VSIG1: variants seen among roughly 807,000 people sequenced by gnomAD.
The protein encoded by VSIG1 is V-set and immunoglobulin domain-containing protein 1.
A neutral mutation model predicts 20.1 loss-of-function variants in VSIG1; 11 were observed. That is an observed-to-expected ratio of 0.55 (90% confidence interval 0.34 to 0.91). The LOEUF (loss-of-function observed/expected upper bound fraction) is 0.91. VSIG1 is among the 40% of genes least tolerant of loss of function. The pLI is 0.02. For synonymous variants in VSIG1, 126 were observed against 116.7 expected, an observed-to-expected ratio of 1.08 and a Z score of -0.52; for missense variants, 283 against 298.8, an observed-to-expected ratio of 0.95 and a Z score of 0.39.
chrX:108,025,040 G>T, the VSIG1 span, among the ~76,000 whole-genome samples: 1 of 111,433 alleles, frequency 9.0e-6, no homozygotes, highest in Non-Finnish European at 1.9e-5. Flanking sequence ...ATTGTTGAAT[G>T]TGGGATATTG....
chrX:108,072,313 C>T (rs776957830), intron 3 of VSIG1, among the ~76,000 whole-genome samples: 1 of 111,095 alleles, frequency 9.0e-6, no homozygotes, highest in South Asian at 3.8e-4. Context: ...AGTGCAGTGG[C>T]GTGATCTTGG....
At chrX:108,026,759 T>C in the VSIG1 span, among the ~76,000 whole-genome samples, 4 of 111,481 alleles carry the variant, frequency 3.6e-5, no homozygotes, top group Non-Finnish European at 7.5e-5. Flanking sequence ...CAAAGAATTC[T>C]GAGTTTTGTA....
chrX:108,043,131 T>C (rs1370623446), upstream of VSIG1, among the ~76,000 whole-genome samples: 6 of 111,074 alleles, frequency 5.4e-5, no homozygotes, highest in East Asian at 1.7e-3. Flanking sequence ...CAATAGTTAT[T>C]TGGGGGAAAA....
At position 108,046,896 on chromosome X, in the gene VSIG1, A is replaced by G. The variant is rs1374315981; in HGVS notation, c.49+1717A>G. Among the ~76,000 whole-genome samples the G allele has an allele frequency of 5.4e-5, 6 of 110,750 alleles. No individual in the cohort carries two copies. In the East Asian group the frequency reaches 1.7e-3, roughly 31 times the overall value. On this transcript the variant is annotated intron_variant, in intron 1 of 6. Coordinates refer to ENST00000217957, the MANE Select transcript of VSIG1 (RefSeq NM_182607.5). ...ACTATATAACTGATTTTGTTGGTAT[A>G]TAGTGTACACTATATATCTACACAC...
chrX:108,020,013 G>A, the VSIG1 span, among the ~76,000 whole-genome samples: 2 of 111,082 alleles, frequency 1.8e-5, no homozygotes, highest in African/African-American at 6.6e-5. Flanking sequence ...TCTTGCTCTG[G>A]GTGTTTCCTG....
At chrX:108,032,778 T>C in the VSIG1 span, among the ~76,000 whole-genome samples, 1 of 110,949 alleles carries the variant, frequency 9.0e-6, no homozygotes, top group Non-Finnish European at 1.9e-5. Context: ...GAGCAAAGAG[T>C]GGTGGGAGAT....
chrX:108,058,316 A>G, intron 2 of VSIG1, 115 bp downstream of exon 2: 1 of 755,919 alleles, frequency 1.3e-6, no homozygotes, highest in East Asian at 3.4e-5. Flanking sequence ...AGTGGCAGGA[A>G]TCTCAGATAC....
At chrX:108,036,506 A>AT in the VSIG1 span, among the ~76,000 whole-genome samples, 4 of 111,847 alleles carry the variant, frequency 3.6e-5, no homozygotes, top group Non-Finnish European at 5.6e-5. Flanking sequence ...ATCAGTTAAC[A>AT]TAGAGTTCCT....
intron 2 of VSIG1, among the ~76,000 whole-genome samples, chrX:108,059,059 G>A (rs1387611020): frequency 8.9e-6 from 1 of 111,977 alleles, no homozygotes; most frequent in Non-Finnish European, 1.9e-5. Context: ...AAGGTCTGTA[G>A]CTTTCATCAG....
chrX:108,064,632 C>T (rs979088421), intron 2 of VSIG1: 1 of 448,525 alleles, frequency 2.2e-6, no homozygotes, highest in South Asian at 1.1e-4. Flanking sequence ...GGGCCTCAGG[C>T]GTGACTGATG....
At chrX:108,061,314 T>C (rs2031016258) in intron 2 of VSIG1, 2 of 496,704 alleles carry the variant, frequency 4.0e-6, no homozygotes, top group Admixed American at 6.4e-5. Context: ...GGGACTAAGA[T>C]GTTGCCAGAC....
At chrX:108,045,350 A>T (rs1159741728) in intron 1 of VSIG1, among the ~76,000 whole-genome samples, 171 bp downstream of exon 1, 1 of 112,561 alleles carries the variant, frequency 8.9e-6, no homozygotes, top group Non-Finnish European at 1.9e-5. Flanking sequence ...TGCCATGCTG[A>T]TATATTAGGG....
chrX:108,061,391 T>C, intron 2 of VSIG1: 1 of 1,073,200 alleles, frequency 9.3e-7, no homozygotes, highest in Non-Finnish European at 1.3e-6. Context: ...TGTATAGCAT[T>C]CAGCTCTCAG....
upstream of VSIG1, among the ~76,000 whole-genome samples, chrX:108,040,340 G>A (rs1376432132): frequency 9.0e-6 from 1 of 111,569 alleles, no homozygotes; most frequent in Non-Finnish European, 1.9e-5. Flanking sequence ...CATGATACTA[G>A]TAAAAATAAA....
chrX:108,063,586 A>G (rs1315132976), intron 2 of VSIG1, among the ~76,000 whole-genome samples: 1 of 111,136 alleles, frequency 9.0e-6, no homozygotes, highest in Non-Finnish European at 1.9e-5. Context: ...TTATGAGCTT[A>G]CCACTACTTA....
chrX:108,022,924 A>G, the VSIG1 span, among the ~76,000 whole-genome samples: 2 of 111,767 alleles, frequency 1.8e-5, no homozygotes, highest in East Asian at 5.6e-4. Context: ...CTCTCTCACC[A>G]TGTGACACAT....
At chrX:108,052,597 C>T (rs888207423) in intron 1 of VSIG1, among the ~76,000 whole-genome samples, 3 of 110,754 alleles carry the variant, frequency 2.7e-5, no homozygotes, top group Non-Finnish European at 3.8e-5. Context: ...ACCTGGGTGA[C>T]AGAGTGAGAC....
the VSIG1 span, among the ~76,000 whole-genome samples, chrX:108,020,553 T>C: frequency 8.9e-6 from 1 of 111,995 alleles, no homozygotes; most frequent in Non-Finnish European, 1.9e-5. Context: ...TTGTGTTTGC[T>C]GTTGTTTCTT....
chrX:108,066,892 C>T (rs764780964), intron 2 of VSIG1, 44 bp from the exon 3 acceptor site: 2 of 1,154,367 alleles, frequency 1.7e-6, no homozygotes, highest in Non-Finnish European at 2.4e-6. Flanking sequence ...TTATCCTAGT[C>T]CTGGACTCTC....
Sources: gnomAD v4.1 joint callset for allele counts (sites outside exome capture counted in the v4.1 genomes callset) on GRCh38, gnomAD v4.1.1 for gene constraint, MANE v1.5 for transcripts, NCBI Gene and HGNC (gene_info 2026-07-23, HGNC 2026-07-21) for gene names.